The following NLRP5 variants were observed in gnomAD, a reference collection of about 807,000 sequenced individuals.
NLRP5 encodes NLR family pyrin domain containing 5.
A neutral mutation model predicts 113.1 loss-of-function variants in NLRP5; 93 were observed. The observed-to-expected ratio is 0.82, with a 90% CI of 0.70 to 0.98. The LOEUF is 0.98. NLRP5 is among the 50% of genes least tolerant of loss of function. The pLI, the probability that NLRP5 is intolerant of heterozygous loss-of-function variation, is 0.00. For missense variants in NLRP5, 1,808 were observed against 1,514.3 expected (o/e 1.19, Z -3.22); for synonymous variants, 751 against 600.7 (o/e 1.25, Z -3.66).
Position 56,061,579 on chromosome 19 carries a change from C to G in NLRP5, c.*51C>G. The stretch of plus-strand genomic sequence containing the variant: ...ACCCATCTGATGGAGGAACTTTAAA[C>G]GCTGTTTTCTCAGAGCAAGCTATGC... On this transcript the variant is annotated 3_prime_UTR_variant, in exon 15 of 15. Coordinates refer to ENST00000390649, the MANE Select transcript of NLRP5 (RefSeq NM_153447.4). 2 of 1,605,954 alleles carry G rather than the reference C, an allele frequency of 1.2e-6. No homozygotes were observed. Among genetic ancestry groups the G allele is most frequent in the Non-Finnish European group, 1.7e-6 (2 of 1,174,188 alleles).
intron 7 of NLRP5, among the ~76,000 whole-genome samples, chr19:56,030,703 G>A (rs1011382553): frequency 1.7e-4 from 10 of 58,894 alleles, no homozygotes; most frequent in African/African-American, 4.4e-4. Context: ...ACATTCATTC[G>A]CTTTCTTCTT....
chr19:56,022,120 G>A (rs1487465854), intron 6 of NLRP5, among the ~76,000 whole-genome samples: 4 of 152,212 alleles, frequency 2.6e-5, no homozygotes, highest in South Asian at 2.1e-4. Context: ...CACAAATATC[G>A]GTGACATTTT....
intron 3 of NLRP5, among the ~76,000 whole-genome samples, chr19:56,009,339 C>CAAAAAAAA (rs71296979): frequency 0.035 from 1,538 of 44,228 alleles, 244 homozygotes; most frequent in Non-Finnish European, 0.036. Context: ...GACTCCATCT[C>CAAAAAAAA]AAAAAAAAAA....
Position 56,020,269 on chromosome 19 carries a change from A to T in NLRP5, c.623-106A>T, listed in dbSNP as rs1048338423. On this transcript the variant is annotated intron_variant, in intron 5 of 14. Coordinates refer to ENST00000390649, the MANE Select transcript of NLRP5 (RefSeq NM_153447.4). ...TTGAGCCGGTGGTTGTCATGTTTTCAACTGGCCAGAAAATAAATATGGCAT... is the reference window on the plus strand; with the variant it reads ...TTGAGCCGGTGGTTGTCATGTTTTCTACTGGCCAGAAAATAAATATGGCAT... 23 of 1,346,782 alleles carry T rather than the reference A, an allele frequency of 1.7e-5. No individual in the cohort carries two copies. The African/African-American group carries it at 2.6e-4, about 15-fold the overall frequency. The allele number at this position is 1,346,782 out of a possible 1,614,324, so 83.4% of individuals were successfully genotyped here. A position where few individuals can be genotyped will look rare whatever the true frequency, so the allele number is the denominator to read the frequency against.
In NLRP5 at chr19:56,028,123, G is replaced by A. The variant is rs758788771; in HGVS notation, c.1890G>A (p.Ser630=). ...AACAGGCAGGCTTCCATATCCACTC[G>A]CTTTGGATGAAGCGTTTCTTGTTTG... Residue 630 remains serine, a synonymous_variant, in exon 7 of 15, where the codon TCG becomes TCA. Coordinates refer to ENST00000390649, the MANE Select transcript of NLRP5 (RefSeq NM_153447.4). The A allele has an allele frequency of 1.5e-5, 24 of 1,613,880 alleles. No individual in the cohort carries two copies. The highest frequency in any genetic ancestry group is 6.7e-5 in the Admixed American group (4 of 60,000).
At chr19:56,033,391 C>A (rs1294682413) in intron 8 of NLRP5, 151 bp from the exon 9 acceptor site, 3 of 651,820 alleles carry the variant, frequency 4.6e-6, no homozygotes, top group African/African-American at 3.7e-5. Flanking sequence ...CAGTAGCTGG[C>A]CCATCACAGG....
intron 10 of NLRP5, among the ~76,000 whole-genome samples, chr19:56,039,228 C>G (rs530892385): frequency 2.6e-5 from 4 of 152,298 alleles, no homozygotes; most frequent in Non-Finnish European, 4.4e-5. Flanking sequence ...TGCCGGGAGT[C>G]AAGGGTGGGG....
intron 12 of NLRP5, among the ~76,000 whole-genome samples, chr19:56,052,842 G>T (rs1983981065): frequency 6.6e-6 from 1 of 152,138 alleles, no homozygotes; most frequent in Admixed American, 6.5e-5. Flanking sequence ...CTCCATCTTG[G>T]CTCTGTCAGA....
chr19:55,987,012 A>G, the NLRP5 span, among the ~76,000 whole-genome samples: 1 of 151,778 alleles, frequency 6.6e-6, no homozygotes, highest in Non-Finnish European at 1.5e-5. Flanking sequence ...TTCCTCTAAA[A>G]CCTCATATTT....
At position 56,004,066 on chromosome 19, in the gene NLRP5, T is replaced by C; in HGVS notation, c.413T>C (p.Leu138Pro). 1 of 1,611,556 alleles carries C rather than the reference T, an allele frequency of 6.2e-7. No individual in the cohort carries two copies. The highest frequency in any genetic ancestry group is 8.5e-7 in the Non-Finnish European group (1 of 1,178,628). Residue 138 changes from leucine (L) to proline (P), a missense_variant, in exon 2 of 15, where the codon CTC becomes CCC. By Grantham distance (98) the Leu-to-Pro change is moderately conservative (BLOSUM62 -3). Coordinates refer to ENST00000390649, the MANE Select transcript of NLRP5 (RefSeq NM_153447.4). ...TTTGAAAACATGAACCTGCGAACCCTCTCGGAGAAGGCACGGGATGACATG... is the reference window on the plus strand; with the variant it reads ...TTTGAAAACATGAACCTGCGAACCCCCTCGGAGAAGGCACGGGATGACATG...
intron 11 of NLRP5, among the ~76,000 whole-genome samples, chr19:56,042,550 T>A (rs1348368780): frequency 6.6e-6 from 1 of 152,112 alleles, no homozygotes; most frequent in Non-Finnish European, 1.5e-5. Flanking sequence ...GGTTTCACCA[T>A]GTTGTCTAGG....
chr19:56,005,702 G>A (rs1343727011), intron 2 of NLRP5, among the ~76,000 whole-genome samples: 1 of 152,190 alleles, frequency 6.6e-6, no homozygotes, highest in Admixed American at 6.5e-5. Context: ...AGCATTAGCT[G>A]CAAAACGCTT....
chr19:56,026,933 G>A lies in NLRP5; in HGVS notation c.700G>A (p.Asp234Asn). 1 of 1,551,572 alleles carries A rather than the reference G, an allele frequency of 6.4e-7. No individual in the cohort carries two copies. Among genetic ancestry groups the A allele is most frequent in the Non-Finnish European group, 8.7e-7 (1 of 1,146,946 alleles). Residue 234 changes from aspartate to asparagine, a missense_variant, in exon 7 of 15, where the codon GAC becomes AAC. By Grantham distance (23) the Asp-to-Asn change is conservative (BLOSUM62 1). Transcript: ENST00000390649. ...TCCAGGACATGGAGGTGACACATGGGACTACAAGAGTCACGTGATGACCAA... is the reference window on the plus strand; with the variant it reads ...TCCAGGACATGGAGGTGACACATGGAACTACAAGAGTCACGTGATGACCAA...
Position 56,013,761 on chromosome 19 carries a change from G to T in NLRP5, c.509-1981G>T, listed in dbSNP as rs576208113. Among the ~76,000 whole-genome samples, 27 of 152,020 alleles carry T rather than the reference G, an allele frequency of 1.8e-4. No individual in the cohort carries two copies. In the South Asian group the frequency reaches 5.6e-3, roughly 32 times the overall value. ...ACTTTTTGAGGAGCTCTGCCAAATG[G>T]TTTTTCTTGAGTGACTGCACCATTT... On this transcript the variant is annotated intron_variant, in intron 3 of 14. Coordinates refer to ENST00000390649, the MANE Select transcript of NLRP5 (RefSeq NM_153447.4).
At chr19:56,015,857 G>T in intron 4 of NLRP5, 59 bp downstream of exon 4, 2 of 1,306,686 alleles carry the variant, frequency 1.5e-6, no homozygotes, top group East Asian at 5.2e-5. Flanking sequence ...GGTGAGAGAA[G>T]TTCATGTAGT....
chr19:55,998,743 T>C (rs965215879), upstream of NLRP5, among the ~76,000 whole-genome samples: 4 of 145,338 alleles, frequency 2.8e-5, no homozygotes, highest in African/African-American at 5.2e-5. Context: ...TATATATATA[T>C]ACACACACTT....
At chr19:56,016,710 C>T (rs2123288608) in intron 4 of NLRP5, among the ~76,000 whole-genome samples, 1 of 152,290 alleles carries the variant, frequency 6.6e-6, no homozygotes, top group East Asian at 1.9e-4. Flanking sequence ...TTTCTCTGTG[C>T]CTGGCTTACT....
upstream of NLRP5, among the ~76,000 whole-genome samples, chr19:55,996,971 A>G (rs889776342): frequency 6.6e-6 from 1 of 151,922 alleles, no homozygotes; most frequent in Non-Finnish European, 1.5e-5. Flanking sequence ...AAGTGTTTCT[A>G]TTTCTCCACA....
chr19:56,054,451 G>A (rs936090938), intron 13 of NLRP5, among the ~76,000 whole-genome samples: 8 of 151,790 alleles, frequency 5.3e-5, no homozygotes, highest in African/African-American at 9.7e-5. Flanking sequence ...CCAGCTATTC[G>A]GGAGGCTGAG....
Sources: allele counts gnomAD v4.1 joint callset (sites outside exome capture counted in the v4.1 genomes callset), GRCh38; gene constraint gnomAD v4.1.1; transcripts MANE v1.5; gene names NCBI Gene and HGNC (gene_info 2026-07-23, HGNC 2026-07-21).